Variants in BCL2 observed in about 807,000 individuals in gnomAD.
The protein encoded by BCL2 is apoptosis regulator Bcl-2.
A neutral mutation model predicts 14.2 loss-of-function variants in BCL2; 1 was observed. The observed-to-expected ratio is 0.07, with a 90% CI of 0.02 to 0.33. The LOEUF (loss-of-function observed/expected upper bound fraction) is 0.33, where lower values mean the gene tolerates loss of function less well. Among genes scored for constraint, BCL2 ranks in the 10% least tolerant of loss-of-function variants. The probability of loss-of-function intolerance (pLI) is 0.99; values close to 1 mark genes in which losing one functional copy is unlikely to be tolerated. For synonymous variants in BCL2, 151 were observed against 137.2 expected, an observed-to-expected ratio of 1.10 and a Z score of -0.70; for missense variants, 247 against 305.9, an observed-to-expected ratio of 0.81 and a Z score of 1.44.
At chr18:63,237,023 C>A (rs1388952481) in intron 2 of BCL2, among the ~76,000 whole-genome samples, 1 of 152,168 alleles carries the variant, frequency 6.6e-6, no homozygotes, top group Admixed American at 6.5e-5. Flanking sequence ...GAGGCGCACT[C>A]CTGGCCACAT....
intron 2 of BCL2, among the ~76,000 whole-genome samples, chr18:63,166,581 A>C (rs17070777): frequency 0.29 from 43,968 of 152,006 alleles, 8,835 homozygotes; most frequent in African/African-American, 0.54. Context: ...CATTTTTTGG[A>C]AATTATTTAG....
intron 2 of BCL2, among the ~76,000 whole-genome samples, chr18:63,295,984 T>C (rs1568261598): frequency 6.6e-6 from 1 of 152,212 alleles, no homozygotes; most frequent in Non-Finnish European, 1.5e-5. Flanking sequence ...TGTCTCACCC[T>C]GACCCTGCCC....
At chr18:63,181,781 T>C (rs1915486009) in intron 2 of BCL2, among the ~76,000 whole-genome samples, 1 of 152,204 alleles carries the variant, frequency 6.6e-6, no homozygotes, top group Non-Finnish European at 1.5e-5. Context: ...CTAAGAGACA[T>C]TCCAGTGAAC....
At chr18:63,232,124 A>G (rs1910707103) in intron 2 of BCL2, among the ~76,000 whole-genome samples, 1 of 152,152 alleles carries the variant, frequency 6.6e-6, no homozygotes, top group Non-Finnish European at 1.5e-5. Flanking sequence ...TGGAGAAAAA[A>G]AATAGATCAC....
At chr18:63,174,595 G>T (rs189917120) in intron 2 of BCL2, among the ~76,000 whole-genome samples, 11 of 152,232 alleles carry the variant, frequency 7.2e-5, no homozygotes, top group African/African-American at 1.9e-4. Context: ...CGAGGCGGGT[G>T]TATCACCTGA....
In BCL2 at chr18:63,206,887, C is replaced by G. The variant is rs561439065; in HGVS notation, c.586-78128G>C. Among the ~76,000 whole-genome samples the G allele has an allele frequency of 2.0e-5, 3 of 152,012 alleles. No individual in the cohort carries two copies. The South Asian group carries it at 6.2e-4, about 32-fold the overall frequency. The stretch of plus-strand genomic sequence containing the variant: ...AAGGAAGAGGCCGGTCAGAGGAAGC[C>G]CAAAAGTGGATTCCTGGACACACAG... On this transcript the variant is annotated intron_variant, in intron 2 of 2. Coordinates refer to ENST00000333681, the MANE Select transcript of BCL2 (RefSeq NM_000633.3).
intron 2 of BCL2, among the ~76,000 whole-genome samples, chr18:63,264,605 A>G (rs1911761889): frequency 6.6e-6 from 1 of 152,250 alleles, no homozygotes; most frequent in African/African-American, 2.4e-5. Context: ...GGTGTCTTTG[A>G]ACAGCTTGCA....
intron 2 of BCL2, among the ~76,000 whole-genome samples, chr18:63,279,530 G>C (rs1912249746): frequency 6.6e-6 from 1 of 152,214 alleles, no homozygotes; most frequent in South Asian, 2.1e-4. Context: ...TCTAAGTTTG[G>C]AGAGTATACA....
chr18:63,158,227 AG>A (rs1914833522), intron 2 of BCL2, among the ~76,000 whole-genome samples: 1 of 151,974 alleles, frequency 6.6e-6, no homozygotes, highest in Admixed American at 6.6e-5. Context: ...GTAATAGGGG[AG>A]TGGATGCAGA....
At chr18:63,211,063 CTTTTTTTTTT>C (rs59302545) in intron 2 of BCL2, among the ~76,000 whole-genome samples, 1 of 59,142 alleles carries the variant, frequency 1.7e-5, no homozygotes, top group African/African-American at 7.0e-5. Flanking sequence ...CTTTTCATTT[CTTTTTTTTTT>C]TTTTTTTTTT....
chr18:63,248,460 T>A (rs1449671069), intron 2 of BCL2, among the ~76,000 whole-genome samples: 1 of 151,106 alleles, frequency 6.6e-6, no homozygotes, highest in Non-Finnish European at 1.5e-5. Context: ...GAAATGGTGG[T>A]CAAATAACTA....
At chr18:63,170,611 G>T (rs4940574) in intron 2 of BCL2, among the ~76,000 whole-genome samples, 4 of 152,066 alleles carry the variant, frequency 2.6e-5, no homozygotes, top group South Asian at 2.1e-4. Context: ...CCAGTAAATT[G>T]GGTCCCACTT....
chr18:63,302,656 T>G (rs973252306), intron 2 of BCL2: 2 of 984,968 alleles, frequency 2.0e-6, no homozygotes, highest in Non-Finnish European at 2.4e-6. Flanking sequence ...AGTTAAATAT[T>G]CAACCTATAT....
At chr18:63,299,301 A>C (rs575098684) in intron 2 of BCL2, among the ~76,000 whole-genome samples, 5 of 152,186 alleles carry the variant, frequency 3.3e-5, no homozygotes, top group African/African-American at 7.2e-5. Context: ...GCCTTGCGCT[A>C]AGCACTGAGT....
chr18:63,198,714 CACACACACAG>C (rs1349637830), intron 2 of BCL2, among the ~76,000 whole-genome samples: 12 of 135,314 alleles, frequency 8.9e-5, no homozygotes, highest in African/African-American at 2.6e-4. Context: ...CACAGAGACA[CACACACACAG>C]ACACACACAG....
intron 2 of BCL2, among the ~76,000 whole-genome samples, chr18:63,169,653 G>A (rs1184913830): frequency 6.6e-6 from 1 of 151,670 alleles, no homozygotes; most frequent in Non-Finnish European, 1.5e-5. Context: ...CACCCGAGTA[G>A]CTGGGACTAC....
intron 2 of BCL2, among the ~76,000 whole-genome samples, chr18:63,183,272 C>T (rs573848661): frequency 6.6e-6 from 1 of 152,172 alleles, no homozygotes; most frequent in Non-Finnish European, 1.5e-5. Flanking sequence ...TGTGGGCTAG[C>T]AGTGAGGGAG....
At chr18:63,219,347 T>G (rs917877154) in intron 2 of BCL2, among the ~76,000 whole-genome samples, 1 of 151,944 alleles carries the variant, frequency 6.6e-6, no homozygotes, top group Non-Finnish European at 1.5e-5. Context: ...TAAATTTTAG[T>G]GGCTTATGGT....
intron 2 of BCL2, among the ~76,000 whole-genome samples, chr18:63,256,880 C>T (rs936588387): frequency 2.0e-5 from 3 of 152,052 alleles, no homozygotes; most frequent in Non-Finnish European, 4.4e-5. Flanking sequence ...AGACACATGG[C>T]CACTAAACAA....
Sources: gnomAD v4.1 joint callset for allele counts (sites outside exome capture counted in the v4.1 genomes callset) on GRCh38, gnomAD v4.1.1 for gene constraint, MANE v1.5 for transcripts, NCBI Gene and HGNC (gene_info 2026-07-23, HGNC 2026-07-21) for gene names.